MAOB: variants seen among roughly 807,000 people sequenced by gnomAD.
The protein encoded by MAOB is amine oxidase [flavin-containing] B.
A neutral mutation model predicts 41.9 loss-of-function variants in MAOB; 15 were observed. That is an observed-to-expected ratio of 0.36 (90% CI 0.24 to 0.55). MAOB has a LOEUF of 0.55. MAOB is among the 20% of genes least tolerant of loss of function. MAOB has a pLI of 0.86. For missense variants in MAOB, 345 were observed against 398.7 expected (o/e 0.87, Z 1.15); for synonymous variants, 167 against 144.2 (o/e 1.16, Z -1.13).
chrX:43,879,522 A>G (rs2035460663), intron 1 of MAOB, among the ~76,000 whole-genome samples: 3 of 111,653 alleles, frequency 2.7e-5, no homozygotes, highest in Admixed American at 9.5e-5. Flanking sequence ...TATCGTACAC[A>G]TTTGTAACCC....
At chrX:43,847,012 TCTC>T (rs1338339676) in intron 1 of MAOB, among the ~76,000 whole-genome samples, 5 of 112,065 alleles carry the variant, frequency 4.5e-5, no homozygotes, top group Admixed American at 2.8e-4. Context: ...TATGCAATAA[TCTC>T]CTGATATAAT....
intron 12 of MAOB, among the ~76,000 whole-genome samples, chrX:43,771,844 A>G (rs1003373826): frequency 3.6e-5 from 4 of 111,787 alleles, no homozygotes; most frequent in Non-Finnish European, 7.5e-5. Context: ...AAGGGAAAAA[A>G]AGAGTCCAAC....
chrX:43,784,233 T>G (rs2034371987), intron 8 of MAOB, among the ~76,000 whole-genome samples: 1 of 112,627 alleles, frequency 8.9e-6, no homozygotes, highest in African/African-American at 3.2e-5. Flanking sequence ...ATCACGAATG[T>G]TTTTCATGGC....
chrX:43,841,492 T>C (rs1343480953), intron 2 of MAOB, among the ~76,000 whole-genome samples: 1 of 111,711 alleles, frequency 9.0e-6, no homozygotes, highest in Non-Finnish European at 1.9e-5. Flanking sequence ...CCCAAAGTGA[T>C]CCATAGATTC....
chrX:43,876,663 A>G (rs2035442167), intron 1 of MAOB, among the ~76,000 whole-genome samples: 3 of 112,360 alleles, frequency 2.7e-5, no homozygotes, highest in Non-Finnish European at 3.7e-5. Context: ...TTGCATTTAT[A>G]GTTTCTGACA....
chrX:43,775,057 T>TG (rs2034236311), intron 12 of MAOB, 118 bp downstream of exon 12: 2 of 477,741 alleles, frequency 4.2e-6, no homozygotes, highest in African/African-American at 3.9e-5. Context: ...ATTGGGTTGT[T>TG]TTTTTTTTTT....
intron 3 of MAOB, among the ~76,000 whole-genome samples, chrX:43,818,653 T>C (rs773336808): frequency 1.8e-5 from 2 of 112,693 alleles, no homozygotes; most frequent in East Asian, 5.6e-4. Flanking sequence ...TTTGGGTAAC[T>C]GATGAAGACA....
At position 43,793,472 on chromosome X, in the gene MAOB, C is replaced by A; in HGVS notation, c.875G>T (p.Gly292Val). 1 of 1,205,135 alleles carries A rather than the reference C, an allele frequency of 8.3e-7. No homozygotes were observed. Among genetic ancestry groups the A allele is most frequent in the Non-Finnish European group, 1.1e-6 (1 of 890,443 alleles). ...RNQMITRVPLGSVIKCIVYYK... is the reference protein window; with the variant it reads ...RNQMITRVPLVSVIKCIVYYK... Reference sequence around the variant, plus strand: ...ATAAACTATACACTTGATGACTGAACCCAAAGGCACACGAGTGATCATCTG... The same window carrying A: ...ATAAACTATACACTTGATGACTGAAACCAAAGGCACACGAGTGATCATCTG... The change falls in exon 8 of 15, where the codon GGT becomes GTT. Residue 292 changes from glycine to valine, a missense_variant. Transcript: ENST00000378069.
At chrX:43,868,193 T>C (rs145735187) in intron 1 of MAOB, among the ~76,000 whole-genome samples, 152 of 112,498 alleles carry the variant, frequency 1.4e-3, no homozygotes, top group Middle Eastern at 4.6e-3. Flanking sequence ...AAGAACACAA[T>C]AGGAGAAAAG....
rs1191519423 is a variant in MAOB, at chrX:43,836,886, A to T, written c.279+1982T>A. Among the ~76,000 whole-genome samples the T allele has an allele frequency of 2.7e-5, 3 of 112,638 alleles. No individual in the cohort carries two copies. In the Admixed American group the frequency reaches 2.8e-4, roughly 11 times the overall value. On this transcript the variant is annotated intron_variant, in intron 3 of 14. Transcript: ENST00000378069. Reference sequence around the variant, plus strand: ...TAACTACTTGTATTTTCCTAACTGCACATAGAGTAATGGAAATAGTGAAAA... The same window carrying T: ...TAACTACTTGTATTTTCCTAACTGCTCATAGAGTAATGGAAATAGTGAAAA...
intron 3 of MAOB, among the ~76,000 whole-genome samples, chrX:43,833,822 G>A (rs1272613497): frequency 2.7e-5 from 3 of 111,474 alleles, no homozygotes; most frequent in Admixed American, 1.9e-4. Context: ...CCTTGGAGGC[G>A]GAAAATGAAT....
chrX:43,826,785 A>C (rs1456780561), intron 3 of MAOB, among the ~76,000 whole-genome samples: 2 of 110,482 alleles, frequency 1.8e-5, no homozygotes, highest in Non-Finnish European at 3.8e-5. Flanking sequence ...TAACTAACCC[A>C]CTCCTGCAAT....
intron 1 of MAOB, among the ~76,000 whole-genome samples, chrX:43,849,686 G>C (rs925395527): frequency 1.8e-5 from 2 of 112,565 alleles, no homozygotes; most frequent in African/African-American, 6.5e-5. Flanking sequence ...TTTATTTCCT[G>C]AACAATAAGA....
chrX:43,837,883 G>C, intron 3 of MAOB: 1 of 330,959 alleles, frequency 3.0e-6, no homozygotes, highest in Non-Finnish European at 5.9e-6. Context: ...CTGTCTGATT[G>C]TCAGAGAACA....
rs768724989 is a variant in MAOB at position 43,808,047 on chromosome X, A to C, written c.280-4643T>G. ...CAACCCTGCCCCCTCAACACAATGC[A>C]CTTGTACAAAGTGGGTGTGGGATGG... On this transcript the variant is annotated intron_variant, in intron 3 of 14. Coordinates refer to ENST00000378069, the MANE Select transcript of MAOB (RefSeq NM_000898.5). Among the ~76,000 whole-genome samples, 118 of 111,411 alleles carry C rather than the reference A, an allele frequency of 1.1e-3. 1 individual carries two copies. In the South Asian group the frequency reaches 0.014, roughly 13 times the overall value.
chrX:43,838,761 G>A (rs1378381422), intron 3 of MAOB, 107 bp downstream of exon 3: 4 of 765,564 alleles, frequency 5.2e-6, no homozygotes, highest in South Asian at 4.8e-5. Context: ...AAATACATTT[G>A]CATCATCCAG....
chrX:43,797,023 C>A (rs1399021162), intron 6 of MAOB, 102 bp downstream of exon 6: 1 of 908,117 alleles, frequency 1.1e-6, no homozygotes, highest in Admixed American at 2.9e-5. Flanking sequence ...CTAAAAGCCA[C>A]AAGCCTGCTT....
intron 8 of MAOB, among the ~76,000 whole-genome samples, chrX:43,793,182 G>C (rs1224836760): frequency 1.8e-5 from 2 of 111,355 alleles, no homozygotes; most frequent in African/African-American, 6.5e-5. Context: ...ACTACTAAAG[G>C]GGGAGGTAAG....
At chrX:43,795,974 T>C (rs2034523123) in intron 6 of MAOB, 86 bp from the exon 7 acceptor site, 1 of 956,607 alleles carries the variant, frequency 1.0e-6, no homozygotes, top group South Asian at 2.8e-5. Context: ...ATGTCTACTC[T>C]GAGATGTCTA....
Sources: allele counts gnomAD v4.1 joint callset (sites outside exome capture counted in the v4.1 genomes callset), GRCh38; gene constraint gnomAD v4.1.1; transcripts MANE v1.5; gene names NCBI Gene and HGNC (gene_info 2026-07-23, HGNC 2026-07-21).